Variants in FOXN4 observed in about 807,000 individuals in gnomAD.
The protein encoded by FOXN4 is forkhead box protein N4.
FOXN4 carries 12 observed loss-of-function variants against 45.0 expected under a neutral mutation model. That is an observed-to-expected ratio of 0.27 (90% CI 0.17 to 0.43). The LOEUF is 0.43. Ranked by LOEUF, FOXN4 falls within the 20% of genes least tolerant of loss-of-function variation. FOXN4 has a pLI of 1.00. For missense variants in FOXN4, 560 were observed against 694.9 expected, an observed-to-expected ratio of 0.81 and a Z score of 2.18; for synonymous variants, 297 against 295.0, an observed-to-expected ratio of 1.01 and a Z score of -0.07.
chr12:109,278,418 CCT>C lies in FOXN4; in HGVS notation c.*1251_*1252del, dbSNP rs1347309779. 5 of 152,246 alleles carry C rather than the reference CCT, an allele frequency of 3.3e-5. No homozygotes were observed. In the South Asian group the frequency reaches 6.2e-4, roughly 19 times the overall value. 9.4% of individuals were successfully genotyped at this position (152,246 alleles called of 1,614,324 possible). On this transcript the variant is annotated 3_prime_UTR_variant, in exon 10 of 10. Transcript: ENST00000299162. ...TTTTCACATTTGACTAGCTCACTCC[CCT>C]GTCTCTCTTCTAACCCAGCTATCTG... is the stretch of plus-strand genomic sequence containing the variant.
intron 3 of FOXN4, 147 bp downstream of exon 3, chr12:109,289,994 C>G: frequency 1.0e-6 from 1 of 963,426 alleles, no homozygotes; most frequent in East Asian, 2.9e-5. Context: ...AGGAAGGGAG[C>G]ATTTGTCCCA....
At chr12:109,286,279 A>G (rs1382862226) in intron 7 of FOXN4, among the ~76,000 whole-genome samples, 1 of 152,198 alleles carries the variant, frequency 6.6e-6, no homozygotes, top group Non-Finnish European at 1.5e-5. Flanking sequence ...TGACCCTGCC[A>G]GCTTGGGATG....
chr12:109,308,802 G>A (rs2047943068), intron 1 of FOXN4, among the ~76,000 whole-genome samples: 1 of 152,088 alleles, frequency 6.6e-6, no homozygotes, highest in South Asian at 2.1e-4. Context: ...GCCCTGAAAT[G>A]CCTTCAGAAA....
In FOXN4 at chr12:109,290,160, G is replaced by T; in HGVS notation, c.213C>A (p.Cys71Ter). The change falls in exon 3 of 10, where the codon TGC (cysteine) becomes TGA (stop). Residue 71 changes from cysteine to a stop codon, truncating the protein, a stop_gained. Transcript: ENST00000299162. LOFTEE classifies it high-confidence loss of function. The surrounding 1 kb of genome is among the most constrained non-coding windows in gnomAD (Gnocchi z 5.1). Reference protein sequence around the residue: ...ASGRVDLGGPCVPHPHPGALA... With the variant: ...ASGRVDLGGP ...GCCTACCTGGGTGTGGATGTGGCAC[G>T]CAGGGGCCACCCAGGTCCACGCGGC... 1 of 1,549,740 alleles carries T rather than the reference G, an allele frequency of 6.5e-7. No individual in the cohort carries two copies. Among genetic ancestry groups the T allele is most frequent in the Non-Finnish European group, 8.7e-7 (1 of 1,146,042 alleles).
rs1323568618 is a variant in FOXN4, at chr12:109,291,395, C to A, written c.87-1109G>T. ...GCTTTCTGTGTCACCACCAAGAGGC[C>A]CACAGTCTAAATTCTAAGTTCCATG... On this transcript the variant is annotated intron_variant, in intron 2 of 9. Coordinates refer to ENST00000299162, the MANE Select transcript of FOXN4 (RefSeq NM_213596.3). This position sits in a 1 kb window ranked among gnomAD's most constrained non-coding sequence, Gnocchi z 6.6. Among the ~76,000 whole-genome samples, 1 of 152,098 alleles carries A rather than the reference C, an allele frequency of 6.6e-6. No individual in the cohort carries two copies. The highest frequency in any genetic ancestry group is 1.5e-5 in the Non-Finnish European group (1 of 68,018).
At position 109,300,313 on chromosome 12, in the gene FOXN4, A is replaced by T. The variant is rs2136942628; in HGVS notation, c.86+7923T>A. Among the ~76,000 whole-genome samples the T allele has an allele frequency of 1.3e-5, 2 of 152,184 alleles. 1 individual carries two copies. The highest frequency in any genetic ancestry group is 4.2e-4 in the South Asian group (2 of 4,818). Reference sequence around the variant, plus strand: ...ATCCAAGGAGATAACTTTCTGATTGACGCCAGAATGCACAGGAGAGACCCC... The same window carrying T: ...ATCCAAGGAGATAACTTTCTGATTGTCGCCAGAATGCACAGGAGAGACCCC... On this transcript the variant is annotated intron_variant, in intron 2 of 9. Transcript: ENST00000299162.
chr12:109,287,857 G>A lies in FOXN4; in HGVS notation c.455C>T (p.Pro152Leu), dbSNP rs745671013. ...PATQPQFPLP[P>L]GAQQCPPVGL... is the part of the protein sequence containing the mutation. ...AGCCCTTGGTACCTGCTGGGCACCCGGGGGGAGCGGGAACTGTGGTTGGGT... is the reference window on the plus strand; with the variant it reads ...AGCCCTTGGTACCTGCTGGGCACCCAGGGGGAGCGGGAACTGTGGTTGGGT... The change falls in exon 5 of 10, where the codon CCG becomes CTG. Residue 152 changes from proline to leucine, a missense_variant. Pro to Leu is a moderately conservative substitution (Grantham distance 98). This residue lies in a region of FOXN4 where 61 missense variants were observed against 59.8 expected (regional missense o/e 1.02). Coordinates refer to ENST00000299162, the MANE Select transcript of FOXN4 (RefSeq NM_213596.3). This position sits in a 1 kb window ranked among gnomAD's most constrained non-coding sequence, Gnocchi z 4.1. The A allele has an allele frequency of 4.7e-5, 73 of 1,548,818 alleles. No individual in the cohort carries two copies. Among genetic ancestry groups the A allele is most frequent in the Admixed American group, 3.0e-4 (15 of 50,794 alleles).
chr12:109,294,344 G>A (rs1160797235), intron 2 of FOXN4, among the ~76,000 whole-genome samples: 2 of 152,162 alleles, frequency 1.3e-5, no homozygotes, highest in African/African-American at 4.8e-5. Context: ...GCAGGTCCCT[G>A]GGGCTCCAAT....
At chr12:109,292,926 T>A (rs904259828) in intron 2 of FOXN4, among the ~76,000 whole-genome samples, 4 of 152,070 alleles carry the variant, frequency 2.6e-5, no homozygotes, top group Non-Finnish European at 4.4e-5. Flanking sequence ...TTGGGCTGAG[T>A]CAATGGCACT....
At chr12:109,285,274 T>TGTGTGCGCGC in intron 8 of FOXN4, 30 bp downstream of exon 8, 2 of 1,539,384 alleles carry the variant, frequency 1.3e-6, no homozygotes, top group South Asian at 1.2e-5. Context: ...TGTGTGTGTG[T>TGTGTGCGCGC]GCGCGCACTG....
chr12:109,300,662 G>A (rs927877403), intron 2 of FOXN4, among the ~76,000 whole-genome samples: 1 of 152,136 alleles, frequency 6.6e-6, no homozygotes, highest in Non-Finnish European at 1.5e-5. Flanking sequence ...TAATCGAAGC[G>A]CTTTGGGAGG....
At chr12:109,286,387 T>G (rs2047710326) in intron 7 of FOXN4, among the ~76,000 whole-genome samples, 1 of 152,220 alleles carries the variant, frequency 6.6e-6, no homozygotes, top group Non-Finnish European at 1.5e-5. Flanking sequence ...GAATCTGTGC[T>G]GAGTACCTAG....
intron 2 of FOXN4, among the ~76,000 whole-genome samples, chr12:109,295,200 G>A (rs1391677432): frequency 6.6e-6 from 1 of 152,188 alleles, no homozygotes; most frequent in Admixed American, 6.5e-5. Flanking sequence ...AATATTCCCT[G>A]GTGTGTGTGT....
Position 109,291,968 on chromosome 12 carries a change from G to A in FOXN4, c.87-1682C>T, listed in dbSNP as rs903448958. Among the ~76,000 whole-genome samples, 12 of 151,850 alleles carry A rather than the reference G, an allele frequency of 7.9e-5. No homozygotes were observed. Among genetic ancestry groups the A allele is most frequent in the African/African-American group, 2.7e-4 (11 of 41,194 alleles). ...CCACCCCTCCGGCTGCCACCCCTCCGGCCTGCTCGTAACTCATCTGGCCAA... is the reference window on the plus strand; with the variant it reads ...CCACCCCTCCGGCTGCCACCCCTCCAGCCTGCTCGTAACTCATCTGGCCAA... On this transcript the variant is annotated intron_variant, in intron 2 of 9. Transcript: ENST00000299162. This position sits in a 1 kb window ranked among gnomAD's most constrained non-coding sequence, Gnocchi z 6.6.
chr12:109,294,687 T>C (rs1344925210), intron 2 of FOXN4, among the ~76,000 whole-genome samples: 7 of 152,204 alleles, frequency 4.6e-5, no homozygotes, highest in Non-Finnish European at 8.8e-5. Context: ...CTCTCTGGCA[T>C]TCAGGCATGT....
chr12:109,278,833 TG>T lies in FOXN4; in HGVS notation c.*837del, dbSNP rs2047627388. ...GTTTCACAGTATCAACAGTGCTTGC[TG>T]GTTCTAAAAAGTAGCCCCAGGCTGC... On this transcript the variant is annotated 3_prime_UTR_variant, in exon 10 of 10. Transcript: ENST00000299162. 1 of 152,216 alleles carries T rather than the reference TG, an allele frequency of 6.6e-6. No individual in the cohort carries two copies. Among genetic ancestry groups the T allele is most frequent in the Non-Finnish European group, 1.5e-5 (1 of 68,064 alleles). The allele number at this position is 152,216 out of a possible 1,614,324, so 9.4% of individuals were successfully genotyped here.
rs1566005694 is a variant in FOXN4 at position 109,304,287 on chromosome 12, GAA to G, written c.86+3947_86+3948del. Among the ~76,000 whole-genome samples, 24 of 49,588 alleles carry G rather than the reference GAA, an allele frequency of 4.8e-4. 2 individuals are homozygous for G. The highest frequency in any genetic ancestry group is 7.4e-4 in the African/African-American group (8 of 10,836). The allele number at this position is 49,588 out of a possible 152,430, so 32.5% of individuals were successfully genotyped here. On this transcript the variant is annotated intron_variant, in intron 2 of 9. Coordinates refer to ENST00000299162, the MANE Select transcript of FOXN4 (RefSeq NM_213596.3). ...AGAAAGAAAGAAAGAAAGAAAGAAA[GAA>G]AGAAAGGAGAAAGAAAGAAGGAAAG... is the stretch of plus-strand genomic sequence containing the variant.
chr12:109,284,936 C>T (rs2047691247), intron 8 of FOXN4, among the ~76,000 whole-genome samples: 1 of 147,762 alleles, frequency 6.8e-6, no homozygotes. Context: ...GTGCTGCAAG[C>T]TGTCTGGGCC....
chr12:109,300,711 C>T (rs2047861121), intron 2 of FOXN4, among the ~76,000 whole-genome samples: 1 of 152,146 alleles, frequency 6.6e-6, no homozygotes, highest in African/African-American at 2.4e-5. Flanking sequence ...GAGTTCAAGA[C>T]CAGCCTGGAC....
Sources: allele counts gnomAD v4.1 joint callset (sites outside exome capture counted in the v4.1 genomes callset), GRCh38; gene constraint gnomAD v4.1.1; regional missense constraint gnomAD v4.1.1; non-coding constraint Gnocchi (gnomAD v3.1); transcripts MANE v1.5; gene names NCBI Gene and HGNC (gene_info 2026-07-23, HGNC 2026-07-21).